HACL1: variants seen among roughly 807,000 people sequenced by gnomAD.
HACL1 encodes 2-hydroxyacyl-CoA lyase 1, also known as 1600020H07Rik.
Under a neutral mutation model 74.2 loss-of-function variants are expected in HACL1, and 64 were observed. The observed-to-expected ratio is 0.86, with a 90% confidence interval of 0.70 to 1.06. The LOEUF (loss-of-function observed/expected upper bound fraction) is 1.06. Among genes scored for constraint, HACL1 ranks in the 50% least tolerant of loss-of-function variants. The pLI is 0.00. For synonymous variants in HACL1, 230 were observed against 238.8 expected (o/e 0.96, Z 0.34); for missense variants, 728 against 719.7 (o/e 1.01, Z -0.13).
Position 15,592,221 on chromosome 3 carries a change from T to G in HACL1, c.228-541A>C, listed in dbSNP as rs57694801. On this transcript the variant is annotated intron_variant, in intron 3 of 16. Coordinates refer to ENST00000321169, the MANE Select transcript of HACL1 (RefSeq NM_012260.4). ...ATATGTATACATGCGTGTATATATG[T>G]ATACATACGTATATACGTATACATA... is the stretch of plus-strand genomic sequence containing the variant. Among the ~76,000 whole-genome samples the G allele has an allele frequency of 4.9e-3, 588 of 120,548 alleles. 13 individuals are homozygous for G. Among genetic ancestry groups the G allele is most frequent in the African/African-American group, 0.023 (544 of 23,264 alleles). The allele number at this position is 120,548 out of a possible 152,430, so 79.1% of individuals were successfully genotyped here.
At chr3:15,592,085 T>C (rs1359526817) in intron 3 of HACL1, among the ~76,000 whole-genome samples, 3 of 139,878 alleles carry the variant, frequency 2.1e-5, no homozygotes, top group Admixed American at 7.0e-5. Context: ...TATACGTATA[T>C]ATACACACAC....
chr3:15,578,752 T>A (rs577717327), intron 9 of HACL1, among the ~76,000 whole-genome samples: 1 of 152,144 alleles, frequency 6.6e-6, no homozygotes. Flanking sequence ...GCAAGAGGGA[T>A]TGGGAAAAAG....
In HACL1 at chr3:15,568,470, A is replaced by C. The variant is rs1167636040; in HGVS notation, c.1212T>G (p.Ile404Met). The C allele has an allele frequency of 6.2e-7, 1 of 1,607,288 alleles. No homozygotes were observed. The highest frequency in any genetic ancestry group is 1.7e-5 in the Admixed American group (1 of 59,598). The part of the protein sequence containing the change: ...VVSEGANTMD[I>M]GRTVLQNYLP... ...GGTAGTTCTGAAGCACAGTCCGTCC[A>C]ATGTCCATAGTATTTGCTCCTTCAC... Residue 404 changes from isoleucine to methionine, a missense_variant, in exon 13 of 17, where the codon ATT becomes ATG. Physicochemically the swap from Ile to Met is conservative, Grantham distance 10 (BLOSUM62 1). Transcript: ENST00000321169.
intron 2 of HACL1, among the ~76,000 whole-genome samples, chr3:15,598,015 T>C (rs2064101632): frequency 1.3e-5 from 2 of 151,628 alleles, no homozygotes; most frequent in African/African-American, 4.8e-5. Flanking sequence ...TATTTTGTTT[T>C]GTTTTGTTTT....
intron 2 of HACL1, among the ~76,000 whole-genome samples, chr3:15,597,791 T>C (rs2064096085): frequency 1.3e-5 from 2 of 151,926 alleles, no homozygotes; most frequent in Non-Finnish European, 2.9e-5. Context: ...CAAATTCACA[T>C]TAGGAGAATA....
At chr3:15,579,657 G>A (rs2063689005) in intron 9 of HACL1, among the ~76,000 whole-genome samples, 1 of 152,012 alleles carries the variant, frequency 6.6e-6, no homozygotes, top group Non-Finnish European at 1.5e-5. Flanking sequence ...TTAAACTGCT[G>A]AAAACAAAAG....
rs796451144 is a variant in HACL1, at chr3:15,600,672, T to C, written c.186+418A>G. ...ATCCCACAGGTAATCTCTGAACACC[T>C]TTCTTATGCAGGCACCACACTAAGC... On this transcript the variant is annotated intron_variant, in intron 2 of 16. Coordinates refer to ENST00000321169, the MANE Select transcript of HACL1 (RefSeq NM_012260.4). 15 of 192,480 alleles carry C rather than the reference T, an allele frequency of 7.8e-5. 1 individual carries two copies. Among genetic ancestry groups the C allele is most frequent in the African/African-American group, 3.5e-4 (15 of 43,232 alleles). 11.9% of individuals were successfully genotyped at this position (192,480 alleles called of 1,614,324 possible). A position where few individuals can be genotyped will look rare whatever the true frequency, so the allele number is the denominator to read the frequency against.
intron 14 of HACL1, among the ~76,000 whole-genome samples, chr3:15,565,208 T>G (rs1347725871): frequency 6.6e-6 from 1 of 152,144 alleles, no homozygotes; most frequent in Non-Finnish European, 1.5e-5. Context: ...CTATTAGCTA[T>G]GAACCTCAGA....
At position 15,579,911 on chromosome 3, in the gene HACL1, TG is replaced by T; in HGVS notation, c.801del (p.Arg268GlyfsTer8). 6.3e-7 allele frequency: 1 copy of T among 1,582,086 alleles called. No homozygotes were observed. Among genetic ancestry groups the T allele is most frequent in the South Asian group, 1.2e-5 (1 of 85,638 alleles). On this transcript the variant is annotated frameshift_variant and splice_region_variant, in exon 9 of 17. Transcript: ENST00000321169. LOFTEE classifies it high-confidence loss of function. ...TTTAAAATCTGGAATGCCACACACC[TG>T]GATCTGGCTGCACCTACACAGTATG... The part of the protein sequence containing the change: ...NHPYCVGAAR[S>X]RALQFADVIV...
chr3:15,571,865 A>G (rs1320210834), intron 11 of HACL1, 96 bp from the exon 12 acceptor site: 1 of 520,572 alleles, frequency 1.9e-6, no homozygotes, highest in Non-Finnish European at 3.1e-6. Flanking sequence ...TTTGAGACGA[A>G]GTCTCGTTCT....
At chr3:15,579,598 G>A (rs2063687988) in intron 9 of HACL1, among the ~76,000 whole-genome samples, 1 of 152,092 alleles carries the variant, frequency 6.6e-6, no homozygotes, top group African/African-American at 2.4e-5. Flanking sequence ...CAAGATTTGA[G>A]AATCCCAAAA....
In HACL1 at chr3:15,563,413, G is replaced by T; in HGVS notation, c.1649C>A (p.Thr550Asn). 1 of 1,613,706 alleles carries T rather than the reference G, an allele frequency of 6.2e-7. No individual in the cohort carries two copies. ...CATGATGTTGATAAGAGAAGGTTTA[G>T]TTGTGTCTGCTAGGCTCTGCCTCAG... is the stretch of plus-strand genomic sequence containing the variant. Reference protein sequence around the residue: ...KSLRQSLADTTKPSLINIMIE... With the variant: ...KSLRQSLADTNKPSLINIMIE... The change falls in exon 16 of 17, where the codon ACT becomes AAT. Residue 550 changes from threonine (T) to asparagine (N), a missense_variant. Transcript: ENST00000321169.
At chr3:15,578,844 T>C (rs1001798221) in intron 9 of HACL1, among the ~76,000 whole-genome samples, 1 of 152,128 alleles carries the variant, frequency 6.6e-6, no homozygotes, top group Admixed American at 6.5e-5. Context: ...GCTTTAGTTA[T>C]GTGATACTAT....
intron 3 of HACL1, among the ~76,000 whole-genome samples, chr3:15,594,044 C>T (rs1299236185): frequency 6.6e-6 from 1 of 152,118 alleles, no homozygotes; most frequent in Non-Finnish European, 1.5e-5. Context: ...GGTGATCCAC[C>T]CGCCTCGGCC....
intron 9 of HACL1, 137 bp downstream of exon 9, chr3:15,579,773 A>G: frequency 3.1e-6 from 2 of 640,552 alleles, no homozygotes; most frequent in Non-Finnish European, 5.4e-6. Flanking sequence ...AAGCCAGAAG[A>G]TAGTCCAAAA....
chr3:15,571,961 T>C (rs1559550255), intron 11 of HACL1, among the ~76,000 whole-genome samples, 192 bp from the exon 12 acceptor site: 1 of 144,572 alleles, frequency 6.9e-6, no homozygotes, highest in Non-Finnish European at 1.5e-5. Context: ...TGCCTCAACC[T>C]CCTGAGTAGC....
intron 9 of HACL1, among the ~76,000 whole-genome samples, chr3:15,577,588 C>T (rs762502388): frequency 7.2e-5 from 11 of 151,740 alleles, no homozygotes; most frequent in Non-Finnish European, 1.0e-4. Flanking sequence ...CCCAGGAGAT[C>T]AAGACCAGCA....
intron 3 of HACL1, among the ~76,000 whole-genome samples, chr3:15,592,363 TATAC>T (rs1291834446): frequency 3.3e-5 from 5 of 150,786 alleles, no homozygotes; most frequent in African/African-American, 7.3e-5. Context: ...TATATATATG[TATAC>T]ATACAGACAC....
At chr3:15,569,762 G>A (rs1574912273) in intron 12 of HACL1, among the ~76,000 whole-genome samples, 1 of 151,852 alleles carries the variant, frequency 6.6e-6, no homozygotes, top group Non-Finnish European at 1.5e-5. Context: ...GGAGGTTGCG[G>A]TGAGCCAAGC....
Sources: allele counts gnomAD v4.1 joint callset (sites outside exome capture counted in the v4.1 genomes callset), GRCh38; gene constraint gnomAD v4.1.1; transcripts MANE v1.5; gene names NCBI Gene and HGNC (gene_info 2026-07-23, HGNC 2026-07-21).